The following RIOK3 variants were observed in gnomAD, a reference collection of about 807,000 sequenced individuals.
RIOK3 encodes RIO kinase 3.
Under a neutral mutation model 63.5 loss-of-function variants are expected in RIOK3, and 40 were observed. The ratio of observed to expected loss-of-function variants is 0.63; its 90% CI spans 0.49 to 0.82. The LOEUF (loss-of-function observed/expected upper bound fraction) is 0.82, where lower values mean the gene tolerates loss of function less well. RIOK3 is among the 40% of genes least tolerant of loss of function. The pLI is 0.00. For missense variants in RIOK3, 557 were observed against 637.0 expected (o/e 0.87, Z 1.35); for synonymous variants, 193 against 205.0 (o/e 0.94, Z 0.50).
intron 1 of RIOK3, 97 bp downstream of exon 1, chr18:23,453,599 T>A (rs1406454678): frequency 3.6e-6 from 4 of 1,126,084 alleles, no homozygotes; most frequent in Non-Finnish European, 5.4e-6. Context: ...ATTCGGGAAG[T>A]TCTGGGGCGG....
intron 1 of RIOK3, among the ~76,000 whole-genome samples, chr18:23,459,034 G>A (rs1319220708): frequency 6.6e-6 from 1 of 152,168 alleles, no homozygotes. Flanking sequence ...GGGTCAGTAG[G>A]AGTGGACAGC....
chr18:23,472,491 A>C (rs952859608), intron 7 of RIOK3, among the ~76,000 whole-genome samples: 1 of 152,132 alleles, frequency 6.6e-6, no homozygotes, highest in Non-Finnish European at 1.5e-5. Flanking sequence ...GTAAATATTA[A>C]TATTGTTTCT....
chr18:23,455,687 C>G (rs1271825845), intron 1 of RIOK3, among the ~76,000 whole-genome samples: 1 of 151,970 alleles, frequency 6.6e-6, no homozygotes, highest in Non-Finnish European at 1.5e-5. Flanking sequence ...CTCTGTCACC[C>G]AGGCTGGAGT....
Position 23,474,938 on chromosome 18 carries a change from T to G in RIOK3, c.1014-10T>G, listed in dbSNP as rs2057479143. The G allele has an allele frequency of 1.9e-6, 3 of 1,591,430 alleles. No individual in the cohort carries two copies. Among genetic ancestry groups the G allele is most frequent in the East Asian group, 4.5e-5 (2 of 44,712 alleles). ...GATCTGTATATTCTGAATCATTTCT[T>G]TATGTATAGAATGCAGAGAGCTGGA... On this transcript the variant is annotated splice_polypyrimidine_tract_variant and intron_variant, in intron 8 of 12. Coordinates refer to ENST00000339486, the MANE Select transcript of RIOK3 (RefSeq NM_003831.5).
chr18:23,457,792 G>A (rs2057350128), intron 1 of RIOK3, among the ~76,000 whole-genome samples: 1 of 152,080 alleles, frequency 6.6e-6, no homozygotes, highest in Admixed American at 6.6e-5. Context: ...TCTTCTAGCT[G>A]TATGGTTAGA....
chr18:23,457,101 A>T (rs956281921), intron 1 of RIOK3, among the ~76,000 whole-genome samples: 11 of 152,176 alleles, frequency 7.2e-5, no homozygotes, highest in African/African-American at 2.7e-4. Flanking sequence ...AAGACAAATA[A>T]TGTAATATTA....
intron 6 of RIOK3, 44 bp from the exon 7 acceptor site, chr18:23,467,355 G>A: frequency 6.4e-7 from 1 of 1,558,052 alleles, no homozygotes; most frequent in South Asian, 1.2e-5. Flanking sequence ...AAAATATTTT[G>A]TGATTAGCAG....
At position 23,464,122 on chromosome 18, in the gene RIOK3, C is replaced by G; in HGVS notation, c.325+10C>G. ...AATGGAGATAGCAAAGGTATTATAA[C>G]CTTATTGTGACAACTTCATTGAGTG... On this transcript the variant is annotated intron_variant, in intron 3 of 12. Coordinates refer to ENST00000339486, the MANE Select transcript of RIOK3 (RefSeq NM_003831.5). 1 of 1,608,830 alleles carries G rather than the reference C, an allele frequency of 6.2e-7. No individual in the cohort carries two copies. The highest frequency in any genetic ancestry group is 1.1e-5 in the South Asian group (1 of 90,394).
chr18:23,453,595 G>C, intron 1 of RIOK3, 93 bp downstream of exon 1: 1 of 1,150,914 alleles, frequency 8.7e-7, no homozygotes, highest in South Asian at 1.2e-5. Context: ...GGCGATTCGG[G>C]AAGTTCTGGG....
chr18:23,481,405 C>G lies in RIOK3; in HGVS notation c.*126C>G. 1.7e-6 allele frequency: 1 copy of G among 589,136 alleles called. No homozygotes were observed. The highest frequency in any genetic ancestry group is 3.0e-5 in the East Asian group (1 of 32,928). The allele number at this position is 589,136 out of a possible 1,614,324, so 36.5% of individuals were successfully genotyped here. On this transcript the variant is annotated 3_prime_UTR_variant, in exon 13 of 13. Coordinates refer to ENST00000339486, the MANE Select transcript of RIOK3 (RefSeq NM_003831.5). ...GGCAATGGTGCTTCTGTGCTTTTCCCCCTTGTAACCCATGTGCCAGATGTG... is the reference window on the plus strand; with the variant it reads ...GGCAATGGTGCTTCTGTGCTTTTCCGCCTTGTAACCCATGTGCCAGATGTG...
At chr18:23,473,761 T>G (rs1037280929) in intron 8 of RIOK3, 135 bp downstream of exon 8, 1 of 653,358 alleles carries the variant, frequency 1.5e-6, no homozygotes, top group African/African-American at 1.9e-5. Context: ...TTCATACTTT[T>G]AGGATGAAAA....
At chr18:23,476,928 A>G in intron 9 of RIOK3, 78 bp from the exon 10 acceptor site, 2 of 1,258,286 alleles carry the variant, frequency 1.6e-6, no homozygotes, top group Non-Finnish European at 1.1e-6. Context: ...AATAAAAAAT[A>G]AAAAACTTTC....
At chr18:23,476,224 C>T in intron 9 of RIOK3, among the ~76,000 whole-genome samples, 1 of 152,170 alleles carries the variant, frequency 6.6e-6, no homozygotes, top group South Asian at 2.1e-4. Context: ...AAGGAAACTA[C>T]ATGCTTTGAA....
intron 9 of RIOK3, among the ~76,000 whole-genome samples, chr18:23,475,987 A>G (rs538520278): frequency 2.6e-5 from 3 of 117,566 alleles, no homozygotes; most frequent in East Asian, 2.5e-4. Context: ...GGGTCTCACT[A>G]TGTTGCCCAG....
At chr18:23,453,618 G>C (rs8086258) in intron 1 of RIOK3, 116 bp downstream of exon 1, 904,833 of 905,644 alleles carry the variant, frequency 1, 452,017 homozygotes, top group East Asian at 1. Context: ...GGGACCCCGC[G>C]GACCTCGGCA....
chr18:23,466,724 C>T (rs1347131896), intron 6 of RIOK3, among the ~76,000 whole-genome samples: 1 of 149,826 alleles, frequency 6.7e-6, no homozygotes, highest in Non-Finnish European at 1.5e-5. Context: ...GTAAATAAGC[C>T]AGGTGAGGTG....
intron 7 of RIOK3, among the ~76,000 whole-genome samples, chr18:23,468,317 T>G (rs112297664): frequency 2.9e-5 from 4 of 136,232 alleles, no homozygotes; most frequent in African/African-American, 5.8e-5. Flanking sequence ...TTTTTTTTTT[T>G]GGGAGATGGA....
rs2145695610 is a variant in RIOK3, at chr18:23,473,418, CT to C, written c.816-9del. 6.4e-7 allele frequency: 1 copy of C among 1,564,784 alleles called. No individual in the cohort carries two copies. Among genetic ancestry groups the C allele is most frequent in the Non-Finnish European group, 8.7e-7 (1 of 1,152,444 alleles). On this transcript the variant is annotated splice_polypyrimidine_tract_variant and intron_variant, in intron 7 of 12. Coordinates refer to ENST00000339486, the MANE Select transcript of RIOK3 (RefSeq NM_003831.5). ...AACTTGTACTGACTTGATTTTTTTT[CT>C]TCCACTTAGCATGGAGGATGAAAAG... is the stretch of plus-strand genomic sequence containing the variant.
In RIOK3 at chr18:23,464,508, A is replaced by G. The variant is rs1405934012; in HGVS notation, c.434-11A>G. On this transcript the variant is annotated splice_polypyrimidine_tract_variant and intron_variant, in intron 4 of 12. Transcript: ENST00000339486. ...ATTTTTATATACCTGGCTTATTTCAATTGCCTTTAGCAAAACCGGTTCCCA... is the reference window on the plus strand; with the variant it reads ...ATTTTTATATACCTGGCTTATTTCAGTTGCCTTTAGCAAAACCGGTTCCCA... 4 of 1,561,680 alleles carry G rather than the reference A, an allele frequency of 2.6e-6. No homozygotes were observed. The highest frequency in any genetic ancestry group is 2.3e-5 in the East Asian group (1 of 44,298).
Sources: gnomAD v4.1 joint callset for allele counts (sites outside exome capture counted in the v4.1 genomes callset) on GRCh38, gnomAD v4.1.1 for gene constraint, MANE v1.5 for transcripts, NCBI Gene and HGNC (gene_info 2026-07-23, HGNC 2026-07-21) for gene names.